Variants in UGP2 observed in about 807,000 individuals in gnomAD.
The protein encoded by UGP2 is UDP-glucose pyrophosphorylase 2, also known as UTP--glucose-1-phosphate uridylyltransferase.
In UGP2, 40 loss-of-function variants were observed where a neutral mutation model predicts 49.0. That is an observed-to-expected ratio of 0.82 (90% CI 0.63 to 1.06). The LOEUF is 1.06. Among genes scored for constraint, UGP2 ranks in the 50% least tolerant of loss-of-function variants. The probability of loss-of-function intolerance (pLI) is 0.00; values close to 1 mark genes in which losing one functional copy is unlikely to be tolerated. For synonymous variants in UGP2, 225 were observed against 213.0 expected (o/e 1.06, Z -0.49); for missense variants, 460 against 603.5 (o/e 0.76, Z 2.49).
chr2:63,882,280 G>C (rs183706576), intron 3 of UGP2, among the ~76,000 whole-genome samples, 186 bp from the exon 4 acceptor site: 1 of 152,240 alleles, frequency 6.6e-6, no homozygotes, highest in Admixed American at 6.5e-5. Flanking sequence ...TGTGTGCAAG[G>C]GAAGTTGCCT....
At chr2:63,865,072 C>T (rs1243930848) in intron 3 of UGP2, among the ~76,000 whole-genome samples, 1 of 152,206 alleles carries the variant, frequency 6.6e-6, no homozygotes, top group African/African-American at 2.4e-5. Context: ...TCTGATTTAT[C>T]TGTAGTCACT....
At chr2:63,854,289 C>G (rs929880581) in intron 1 of UGP2, among the ~76,000 whole-genome samples, 1 of 152,184 alleles carries the variant, frequency 6.6e-6, no homozygotes, top group African/African-American at 2.4e-5. Flanking sequence ...TCCCAATCCA[C>G]TCTATGTCTA....
At chr2:63,890,607 T>A (rs1045690476) in intron 9 of UGP2, among the ~76,000 whole-genome samples, 11 of 152,278 alleles carry the variant, frequency 7.2e-5, no homozygotes, top group Non-Finnish European at 1.6e-4. Flanking sequence ...ATCTCCTAAC[T>A]AGATTTCATA....
In UGP2 at chr2:63,890,066, C is replaced by A. The variant is rs1394914414; in HGVS notation, c.1315-15C>A. On this transcript the variant is annotated splice_polypyrimidine_tract_variant and intron_variant, in intron 8 of 9. Coordinates refer to ENST00000337130, the MANE Select transcript of UGP2 (RefSeq NM_006759.4). ...CCATTTGAGACAAATTTTTATGTTT[C>A]TCCTTTTCTGTAAGGTTCAAGATTA... 3 of 1,576,232 alleles carry A rather than the reference C, an allele frequency of 1.9e-6. No homozygotes were observed. Among genetic ancestry groups the A allele is most frequent in the Middle Eastern group, 1.7e-4 (1 of 5,968 alleles).
intron 1 of UGP2, among the ~76,000 whole-genome samples, chr2:63,842,874 A>C (rs1277147958): frequency 6.6e-6 from 1 of 152,258 alleles, no homozygotes; most frequent in Non-Finnish European, 1.5e-5. Flanking sequence ...GGAATGCCTC[A>C]ACTGAGATTA....
intron 1 of UGP2, chr2:63,846,245 G>A (rs1180310509): frequency 3.3e-5 from 5 of 152,142 alleles, no homozygotes; most frequent in Admixed American, 3.3e-4. Context: ...ACCAGGGGCG[G>A]GGGTCATCAG....
chr2:63,846,445 T>TAA (rs71393333), intron 1 of UGP2, among the ~76,000 whole-genome samples: 53 of 151,868 alleles, frequency 3.5e-4, no homozygotes, highest in East Asian at 7.8e-4. Context: ...ATTGTTTTTT[T>TAA]AAAAAAAATG....
At chr2:63,882,808 T>C (rs967481403) in intron 4 of UGP2, 157 bp downstream of exon 4, 2 of 717,116 alleles carry the variant, frequency 2.8e-6, no homozygotes, top group Non-Finnish European at 4.0e-6. Context: ...TTAGTGTTCT[T>C]AAGGGCAAAT....
chr2:63,858,024 T>C (rs1037819875), intron 3 of UGP2, 88 bp downstream of exon 3: 1 of 1,190,676 alleles, frequency 8.4e-7, no homozygotes. Context: ...AGGGGACCTA[T>C]AACAATCATG....
intron 9 of UGP2, 84 bp from the exon 10 acceptor site, chr2:63,891,036 A>AG: frequency 8.9e-7 from 1 of 1,124,646 alleles, no homozygotes. Context: ...AAAAAAAAAA[A>AG]GTTGTACATA....
At position 63,891,340 on chromosome 2, in the gene UGP2, G is replaced by T; in HGVS notation, c.*113G>T. On this transcript the variant is annotated 3_prime_UTR_variant, in exon 10 of 10. Transcript: ENST00000337130. ...CTATGTTACTGTACCCTGCAGTGTT[G>T]ATTTTTAAAATAGAGTTTTCTGCAG... 1.3e-6 allele frequency: 1 copy of T among 757,332 alleles called. No individual in the cohort carries two copies. Among genetic ancestry groups the T allele is most frequent in the Middle Eastern group, 2.8e-4 (1 of 3,552 alleles). 46.9% of individuals were successfully genotyped at this position (757,332 alleles called of 1,614,324 possible).
chr2:63,880,806 G>A lies in UGP2; in HGVS notation c.256-1660G>A, dbSNP rs116755902. 3.1e-3 allele frequency among the ~76,000 whole-genome samples: 474 copies of A among 151,970 alleles called. 1 individual carries two copies. The highest frequency in any genetic ancestry group is 0.011 in the African/African-American group (447 of 41,524). ...GCGATCAGTGTGGTCTGCAGCCATC[G>A]GTGTGGTCTGCGTTCTTTCCTGCCT... On this transcript the variant is annotated intron_variant, in intron 3 of 9. Coordinates refer to ENST00000337130, the MANE Select transcript of UGP2 (RefSeq NM_006759.4).
At chr2:63,884,993 C>CTT (rs528966512) in intron 5 of UGP2, among the ~76,000 whole-genome samples, 1,683 of 23,022 alleles carry the variant, frequency 0.073, 286 homozygotes, top group East Asian at 0.24. Flanking sequence ...CCCATGGTTA[C>CTT]TTTTTTTTTT....
At chr2:63,858,928 C>T (rs895886368) in intron 3 of UGP2, among the ~76,000 whole-genome samples, 45 of 135,418 alleles carry the variant, frequency 3.3e-4, no homozygotes, top group Non-Finnish European at 1.2e-4. Context: ...AGGAATTACC[C>T]TAATTTAAGT....
chr2:63,853,337 C>T (rs1445203072), intron 1 of UGP2, among the ~76,000 whole-genome samples: 1 of 151,916 alleles, frequency 6.6e-6, no homozygotes, highest in African/African-American at 2.4e-5. Context: ...ATCAAGATAG[C>T]TTTATCTTGA....
rs181724700 is a variant in UGP2 at position 63,843,856 on chromosome 2, T to G, written c.19+1652T>G. Among the ~76,000 whole-genome samples, 14 of 152,368 alleles carry G rather than the reference T, an allele frequency of 9.2e-5. No homozygotes were observed. In the East Asian group the frequency reaches 2.5e-3, roughly 27 times the overall value. On this transcript the variant is annotated intron_variant, in intron 1 of 9. Transcript: ENST00000337130. ...TCACTCTAAGATACCAGATTGCACTTAGTTGCCAGCCACTTTTTTTCTTTT... is the reference window on the plus strand; with the variant it reads ...TCACTCTAAGATACCAGATTGCACTGAGTTGCCAGCCACTTTTTTTCTTTT...
intron 1 of UGP2, among the ~76,000 whole-genome samples, chr2:63,853,640 T>G (rs1447907930): frequency 6.6e-6 from 1 of 152,182 alleles, no homozygotes; most frequent in Non-Finnish European, 1.5e-5. Context: ...CTAGCTTGTG[T>G]ACTTATTTTG....
At chr2:63,871,084 T>G (rs931061542) in intron 3 of UGP2, among the ~76,000 whole-genome samples, 1 of 152,234 alleles carries the variant, frequency 6.6e-6, no homozygotes, top group Non-Finnish European at 1.5e-5. Flanking sequence ...TTAATTATTT[T>G]AAAATGTATC....
intron 8 of UGP2, chr2:63,889,143 T>C (rs1456999985): frequency 6.6e-6 from 1 of 152,156 alleles, no homozygotes; most frequent in Non-Finnish European, 1.5e-5. Context: ...ATTAGATTTA[T>C]CAGTATGGAG....
Sources: allele counts gnomAD v4.1 joint callset (sites outside exome capture counted in the v4.1 genomes callset), GRCh38; gene constraint gnomAD v4.1.1; transcripts MANE v1.5; gene names NCBI Gene and HGNC (gene_info 2026-07-23, HGNC 2026-07-21).